The following SLC39A8 variants were observed in gnomAD, a reference collection of about 807,000 sequenced individuals.
The protein encoded by SLC39A8 is solute carrier family 39 member 8.
SLC39A8 carries 15 observed loss-of-function variants against 40.4 expected under a neutral mutation model. That is an observed-to-expected ratio of 0.37 (90% CI 0.25 to 0.57). SLC39A8 has a LOEUF of 0.57. Ranked by LOEUF, SLC39A8 falls within the 20% of genes least tolerant of loss-of-function variation. The pLI, the probability that SLC39A8 is intolerant of heterozygous loss-of-function variation, is 0.75. For synonymous variants in SLC39A8, 223 were observed against 221.6 expected, an observed-to-expected ratio of 1.01 and a Z score of -0.06; for missense variants, 472 against 558.8, an observed-to-expected ratio of 0.84 and a Z score of 1.57.
At chr4:102,311,554 T>C (rs1734426893) in intron 3 of SLC39A8, among the ~76,000 whole-genome samples, 1 of 152,114 alleles carries the variant, frequency 6.6e-6, no homozygotes, top group Admixed American at 6.6e-5. Flanking sequence ...ATTAATATTC[T>C]TTATTTTATC....
Position 102,307,578 on chromosome 4 carries a change from G to A in SLC39A8, c.410C>T (p.Thr137Met), listed in dbSNP as rs1370428884. The A allele has an allele frequency of 2.5e-6, 4 of 1,613,086 alleles. No homozygotes were observed. Among genetic ancestry groups the A allele is most frequent in the Admixed American group, 1.7e-5 (1 of 59,918 alleles). ...EVWGYGFLSV[T>M]IINLASLLGL... ...GAGGAGAGATGCCAGATTAATAATC[G>A]TCACTGACAGGAATCCATATCCCCA... Residue 137 changes from threonine to methionine, a missense_variant, in exon 4 of 9, where the codon ACG becomes ATG. Around this residue, in one of 4 missense-constraint regions of SLC39A8, gnomAD observed 239 missense variants for 317.9 expected, o/e 0.75. Coordinates refer to ENST00000356736, the MANE Select transcript of SLC39A8 (RefSeq NM_001135146.2).
chr4:102,256,762 G>A (rs986607391), downstream of SLC39A8, among the ~76,000 whole-genome samples: 8 of 152,108 alleles, frequency 5.3e-5, no homozygotes, highest in East Asian at 1.9e-4. Context: ...AGGATAAGAC[G>A]TTTACTGCTG....
chr4:102,294,032 C>T (rs980231247), intron 6 of SLC39A8, among the ~76,000 whole-genome samples: 3 of 151,492 alleles, frequency 2.0e-5, no homozygotes, highest in African/African-American at 7.3e-5. Context: ...GCGAGGATAA[C>T]TGCTTATTTA....
chr4:102,320,700 A>T (rs1734923362), intron 2 of SLC39A8, among the ~76,000 whole-genome samples: 1 of 67,576 alleles, frequency 1.5e-5, no homozygotes, highest in Admixed American at 1.8e-4. Flanking sequence ...ATGAGAGTAT[A>T]TATATATGAG....
At chr4:102,329,180 T>C (rs916243212) in intron 2 of SLC39A8, among the ~76,000 whole-genome samples, 1 of 151,832 alleles carries the variant, frequency 6.6e-6, no homozygotes, top group African/African-American at 2.4e-5. Flanking sequence ...GAAGGTGAAA[T>C]GTGAAGGAAA....
intron 2 of SLC39A8, among the ~76,000 whole-genome samples, chr4:102,319,709 G>C (rs999597703): frequency 6.6e-6 from 1 of 152,132 alleles, no homozygotes; most frequent in African/African-American, 2.4e-5. Context: ...TCCATACTGA[G>C]GTCTCTTTTC....
chr4:102,344,678 C>T lies in SLC39A8; in HGVS notation c.-16G>A, dbSNP rs907776369. 5.0e-5 allele frequency: 72 copies of T among 1,442,598 alleles called. No homozygotes were observed. Among genetic ancestry groups the T allele is most frequent in the Non-Finnish European group, 6.2e-5 (69 of 1,104,930 alleles). The allele number at this position is 1,442,598 out of a possible 1,614,324, so 89.4% of individuals were successfully genotyped here. On this transcript the variant is annotated 5_prime_UTR_variant, in exon 2 of 9. Coordinates refer to ENST00000356736, the MANE Select transcript of SLC39A8 (RefSeq NM_001135146.2). ...CCGGGGCCATCCTGGCCTGGGCTTCCCCTTGAGGGCCCGCGACGGGCTGCC... is the reference window on the plus strand; with the variant it reads ...CCGGGGCCATCCTGGCCTGGGCTTCTCCTTGAGGGCCCGCGACGGGCTGCC...
At chr4:102,296,661 C>G (rs1003741335) in intron 6 of SLC39A8, among the ~76,000 whole-genome samples, 1 of 152,044 alleles carries the variant, frequency 6.6e-6, no homozygotes, top group African/African-American at 2.4e-5. Context: ...TCCTAAGATG[C>G]AAACAATGGC....
In SLC39A8 at chr4:102,266,896, G is replaced by A. The variant is rs529071338; in HGVS notation, c.1233+594C>T. ...GCTGGGATTACAGGCATGAGCCACC[G>A]CACCCGGCCATGCACGCTCTTTTGA... On this transcript the variant is annotated intron_variant, in intron 8 of 8. Transcript: ENST00000356736. Among the ~76,000 whole-genome samples the A allele has an allele frequency of 1.7e-3, 260 of 152,176 alleles. 1 individual carries two copies. The highest frequency in any genetic ancestry group is 2.3e-3 in the Non-Finnish European group (159 of 68,014).
downstream of SLC39A8, among the ~76,000 whole-genome samples, chr4:102,259,718 C>T (rs189215): frequency 0.69 from 104,343 of 152,084 alleles, 36,884 homozygotes; most frequent in Non-Finnish European, 0.78. Context: ...CCCTACCTAG[C>T]AGACTGTTTC....
At chr4:102,337,081 C>T (rs1028867044) in intron 2 of SLC39A8, among the ~76,000 whole-genome samples, 1 of 152,194 alleles carries the variant, frequency 6.6e-6, no homozygotes, top group East Asian at 1.9e-4. Context: ...AAACCCATTA[C>T]CAGCCACATT....
intron 6 of SLC39A8, among the ~76,000 whole-genome samples, chr4:102,286,519 CA>C (rs1733186531): frequency 6.6e-6 from 1 of 151,050 alleles, no homozygotes; most frequent in Admixed American, 6.6e-5. Context: ...TTAACACTAA[CA>C]AACTGGGCTC....
downstream of SLC39A8, among the ~76,000 whole-genome samples, chr4:102,260,125 G>A (rs1417087608): frequency 6.6e-6 from 1 of 152,166 alleles, no homozygotes; most frequent in Non-Finnish European, 1.5e-5. Context: ...TAGTTAAAGT[G>A]ACAAGGGATT....
chr4:102,259,966 C>T (rs1469869563), downstream of SLC39A8, among the ~76,000 whole-genome samples: 1 of 152,104 alleles, frequency 6.6e-6, no homozygotes, highest in African/African-American at 2.4e-5. Context: ...ATAGATCATC[C>T]TGTGAAAAAC....
intron 2 of SLC39A8, among the ~76,000 whole-genome samples, chr4:102,318,280 C>T (rs894025163): frequency 5.9e-5 from 9 of 152,080 alleles, no homozygotes; most frequent in Non-Finnish European, 1.3e-4. Context: ...GGGATAGTCA[C>T]GGTAGTCATG....
At chr4:102,268,890 A>G (rs1486999669) in intron 6 of SLC39A8, among the ~76,000 whole-genome samples, 1 of 152,244 alleles carries the variant, frequency 6.6e-6, no homozygotes, top group Non-Finnish European at 1.5e-5. Context: ...AATGCCAACT[A>G]AAACACTTTC....
rs772365696 is a variant in SLC39A8, at chr4:102,286,674, C to CA, written c.840+17642dup. ...TGAGAAGCTTTAGGTGCAATCTTGCCAAAAAAATTGTTTCAAAAGAAATTT... is the reference window on the plus strand; with the variant it reads ...TGAGAAGCTTTAGGTGCAATCTTGCCAAAAAAAATTGTTTCAAAAGAAATTT... On this transcript the variant is annotated intron_variant, in intron 6 of 8. Transcript: ENST00000356736. Among the ~76,000 whole-genome samples, 86 of 151,998 alleles carry CA rather than the reference C, an allele frequency of 5.7e-4. 2 individuals carry two copies. Among genetic ancestry groups the CA allele is most frequent in the Middle Eastern group, 6.8e-3 (2 of 294 alleles).
chr4:102,305,290 T>A (rs550751314), intron 4 of SLC39A8, among the ~76,000 whole-genome samples, 179 bp from the exon 5 acceptor site: 21 of 152,030 alleles, frequency 1.4e-4, no homozygotes, highest in African/African-American at 5.1e-4. Context: ...ATGACAAAAC[T>A]GTATGAGATG....
At chr4:102,304,561 T>C (rs945047325) in intron 5 of SLC39A8, 80 bp from the exon 6 acceptor site, 1 of 1,189,624 alleles carries the variant, frequency 8.4e-7, no homozygotes. Flanking sequence ...GTTTACTGCT[T>C]TTTATTTATA....
Sources: allele counts gnomAD v4.1 joint callset (sites outside exome capture counted in the v4.1 genomes callset), GRCh38; gene constraint gnomAD v4.1.1; regional missense constraint gnomAD v4.1.1; transcripts MANE v1.5; gene names NCBI Gene and HGNC (gene_info 2026-07-23, HGNC 2026-07-21).